The following TMEM132C variants were observed in gnomAD, a reference collection of about 807,000 sequenced individuals.
TMEM132C encodes protein phosphatase 1, regulatory subunit 152.
A neutral mutation model predicts 61.4 loss-of-function variants in TMEM132C; 29 were observed. The observed-to-expected ratio is 0.47, with a 90% CI of 0.35 to 0.64. The LOEUF (loss-of-function observed/expected upper bound fraction) is 0.64, where lower values mean the gene tolerates loss of function less well. Ranked by LOEUF, TMEM132C falls within the 30% of genes least tolerant of loss-of-function variation. The pLI, the probability that TMEM132C is intolerant of heterozygous loss-of-function variation, is 0.00. For missense variants in TMEM132C, 1,408 were observed against 1,476.9 expected, an observed-to-expected ratio of 0.95 and a Z score of 0.76; for synonymous variants, 656 against 633.1, an observed-to-expected ratio of 1.04 and a Z score of -0.54.
At chr12:128,382,612 A>G (rs4882753) in intron 1 of TMEM132C, among the ~76,000 whole-genome samples, 111,255 of 152,132 alleles carry the variant, frequency 0.73, 41,003 homozygotes, top group Admixed American at 0.77. Context: ...TCCTATTCCT[A>G]TGCACCCAAC....
chr12:128,679,997 GC>G (rs1386524557), intron 5 of TMEM132C, among the ~76,000 whole-genome samples: 1 of 152,098 alleles, frequency 6.6e-6, no homozygotes, highest in Non-Finnish European at 1.5e-5. Flanking sequence ...AAGTGCAAAG[GC>G]CCCAGGGTAT....
intron 4 of TMEM132C, among the ~76,000 whole-genome samples, chr12:128,668,098 T>C (rs1593141962): frequency 6.6e-6 from 1 of 152,030 alleles, no homozygotes; most frequent in African/African-American, 2.4e-5. Flanking sequence ...CATAGCAAGA[T>C]CCTGTCTCTA....
At chr12:128,593,704 C>T (rs777327987) in intron 3 of TMEM132C, among the ~76,000 whole-genome samples, 48 of 152,174 alleles carry the variant, frequency 3.2e-4, no homozygotes, top group Non-Finnish European at 5.4e-4. Context: ...GGCATCTGCA[C>T]CCTAATTACG....
intron 2 of TMEM132C, among the ~76,000 whole-genome samples, chr12:128,518,800 A>C (rs933667878): frequency 2.6e-5 from 4 of 151,962 alleles, no homozygotes; most frequent in Non-Finnish European, 5.9e-5. Context: ...CCCTTATTTC[A>C]GAAGCAAAAG....
intron 3 of TMEM132C, among the ~76,000 whole-genome samples, chr12:128,578,394 C>A (rs563441590): frequency 1.3e-5 from 2 of 152,202 alleles, no homozygotes; most frequent in African/African-American, 4.8e-5. Context: ...CTGAGCTCCC[C>A]GGGTACCCAC....
At chr12:128,575,016 G>A (rs1002733728) in intron 3 of TMEM132C, among the ~76,000 whole-genome samples, 3 of 152,192 alleles carry the variant, frequency 2.0e-5, no homozygotes, top group African/African-American at 7.2e-5. Context: ...TCTCTCATCT[G>A]TGCCTCCCGC....
chr12:128,488,345 A>G (rs1871575138), intron 2 of TMEM132C, among the ~76,000 whole-genome samples: 2 of 152,332 alleles, frequency 1.3e-5, no homozygotes. Context: ...CATTATGCAT[A>G]TAATATTTAG....
At chr12:128,606,001 C>T (rs973804968) in intron 3 of TMEM132C, among the ~76,000 whole-genome samples, 9 of 152,192 alleles carry the variant, frequency 5.9e-5, no homozygotes, top group Admixed American at 4.6e-4. Flanking sequence ...ACTCAGTGCC[C>T]GCTTTGGGCT....
At position 128,465,709 on chromosome 12, in the gene TMEM132C, G is replaced by A. The variant is rs78366960; in HGVS notation, c.974+50089G>A. 9.0e-3 allele frequency among the ~76,000 whole-genome samples: 1,364 copies of A among 152,370 alleles called. 17 individuals are homozygous for A. The highest frequency in any genetic ancestry group is 0.031 in the African/African-American group (1,302 of 41,588). On this transcript the variant is annotated intron_variant, in intron 2 of 8. Transcript: ENST00000435159. ...TGGAGTGAGACCCTGCTTGGGTGTG[G>A]TGTGAGGGCCCCAAGGGCCAAAAGA... is the stretch of plus-strand genomic sequence containing the variant.
chr12:128,450,698 C>T (rs147500043), intron 2 of TMEM132C, among the ~76,000 whole-genome samples: 45 of 152,194 alleles, frequency 3.0e-4, no homozygotes, highest in African/African-American at 8.4e-4. Context: ...TGGTTGAATT[C>T]GGTATACAGA....
At chr12:128,540,088 TCATC>T (rs1873681632) in intron 2 of TMEM132C, among the ~76,000 whole-genome samples, 1 of 152,206 alleles carries the variant, frequency 6.6e-6, no homozygotes, top group Non-Finnish European at 1.5e-5. Context: ...TTCCTCAACT[TCATC>T]CATCAACCAT....
intron 2 of TMEM132C, among the ~76,000 whole-genome samples, chr12:128,521,124 G>A (rs1458182): frequency 0.93 from 141,694 of 152,096 alleles, 66,769 homozygotes; most frequent in East Asian, 1. Context: ...GACATTGCCA[G>A]ATATTCACTG....
Position 128,319,354 on chromosome 12 carries a change from CGAGA to C in TMEM132C, c.85+51882_85+51885del, listed in dbSNP as rs71449340. Among the ~76,000 whole-genome samples, 111 of 149,378 alleles carry C rather than the reference CGAGA, an allele frequency of 7.4e-4. 1 individual carries two copies. Among genetic ancestry groups the C allele is most frequent in the African/African-American group, 2.4e-3 (99 of 40,814 alleles). ...TCCCTCCACTCAAGATTTGCAGTCCCGAGAGAGAGAGAGAGAGACAGAGAGACAG... is the reference window on the plus strand; with the variant it reads ...TCCCTCCACTCAAGATTTGCAGTCCCGAGAGAGAGAGAGACAGAGAGACAG... On this transcript the variant is annotated intron_variant, in intron 1 of 8. Coordinates refer to ENST00000435159, the MANE Select transcript of TMEM132C (RefSeq NM_001136103.3).
At chr12:128,648,962 A>T (rs1954239830) in intron 4 of TMEM132C, among the ~76,000 whole-genome samples, 1 of 150,430 alleles carries the variant, frequency 6.6e-6, no homozygotes, top group South Asian at 2.1e-4. Context: ...TCAGCGTAGG[A>T]TGTGAGTGTG....
At chr12:128,481,878 A>G (rs1406781217) in intron 2 of TMEM132C, among the ~76,000 whole-genome samples, 3 of 152,140 alleles carry the variant, frequency 2.0e-5, no homozygotes, top group East Asian at 1.9e-4. Flanking sequence ...AGACCACACT[A>G]GCCCTTGCAA....
Position 128,520,124 on chromosome 12 carries a change from A to G in TMEM132C, c.975-23833A>G, listed in dbSNP as rs112721313. 9.2e-3 allele frequency among the ~76,000 whole-genome samples: 1,409 copies of G among 152,328 alleles called. 20 individuals are homozygous for G. The highest frequency in any genetic ancestry group is 0.034 in the South Asian group (162 of 4,828). On this transcript the variant is annotated intron_variant, in intron 2 of 8. Transcript: ENST00000435159. The stretch of plus-strand genomic sequence containing the variant: ...ACTTTAAAGTGACTTGCAAAGGCAC[A>G]TGCTGGGTTCCCCCAGACACCCTTT...
intron 1 of TMEM132C, among the ~76,000 whole-genome samples, chr12:128,274,456 T>C (rs555546330): frequency 1.3e-5 from 2 of 152,332 alleles, no homozygotes; most frequent in East Asian, 3.9e-4. Context: ...GTTCCACCAG[T>C]TCCTGGATGA....
intron 1 of TMEM132C, among the ~76,000 whole-genome samples, chr12:128,336,440 GA>G (rs1156380932): frequency 6.6e-6 from 1 of 152,164 alleles, no homozygotes; most frequent in Non-Finnish European, 1.5e-5. Context: ...GTAATCATAT[GA>G]TGAAGACATC....
At chr12:128,681,686 C>T (rs1404025685) in intron 5 of TMEM132C, among the ~76,000 whole-genome samples, 1 of 148,746 alleles carries the variant, frequency 6.7e-6, no homozygotes, top group Non-Finnish European at 1.5e-5. Context: ...CAGAGTCTCA[C>T]CCTATCTCCC....
Sources: gnomAD v4.1 joint callset for allele counts (sites outside exome capture counted in the v4.1 genomes callset) on GRCh38, gnomAD v4.1.1 for gene constraint, MANE v1.5 for transcripts, NCBI Gene and HGNC (gene_info 2026-07-23, HGNC 2026-07-21) for gene names.